MBD5: variants seen among roughly 807,000 people sequenced by gnomAD.
The protein encoded by MBD5 is methyl-CpG-binding domain protein 5.
In MBD5, 13 loss-of-function variants were observed where a neutral mutation model predicts 117.3. The observed-to-expected ratio is 0.11, with a 90% CI of 0.07 to 0.18. The LOEUF (loss-of-function observed/expected upper bound fraction) is 0.18, where lower values mean the gene tolerates loss of function less well. MBD5 is among the 10% of genes least tolerant of loss of function. MBD5 has a pLI of 1.00. For missense variants in MBD5, 1,879 were observed against 2,093.8 expected, an observed-to-expected ratio of 0.90 and a Z score of 2.00; for synonymous variants, 727 against 766.4, an observed-to-expected ratio of 0.95 and a Z score of 0.85.
At chr2:148,059,125 T>C (rs911714059) in intron 1 of MBD5, among the ~76,000 whole-genome samples, 3 of 152,188 alleles carry the variant, frequency 2.0e-5, no homozygotes, top group Non-Finnish European at 4.4e-5. Context: ...TGACAAGAAC[T>C]TTGTATAAAT....
intron 1 of MBD5, among the ~76,000 whole-genome samples, chr2:148,166,186 G>A (rs903875127): frequency 6.6e-6 from 1 of 152,116 alleles, no homozygotes; most frequent in African/African-American, 2.4e-5. Flanking sequence ...TGATTTGCGA[G>A]TTATTGCAAA....
chr2:148,440,520 G>A (rs1412606862), intron 4 of MBD5, among the ~76,000 whole-genome samples: 1 of 152,070 alleles, frequency 6.6e-6, no homozygotes, highest in African/African-American at 2.4e-5. Flanking sequence ...TTTACCACTG[G>A]GTGATTTTAA....
intron 3 of MBD5, among the ~76,000 whole-genome samples, chr2:148,258,557 A>G (rs534481488): frequency 6.6e-6 from 1 of 152,238 alleles, no homozygotes; most frequent in East Asian, 1.9e-4. Context: ...TTCCCTAATG[A>G]AACAGAAACA....
intron 1 of MBD5, among the ~76,000 whole-genome samples, chr2:148,133,768 A>G (rs1037253440): frequency 9.9e-5 from 15 of 152,202 alleles, no homozygotes; most frequent in Non-Finnish European, 1.5e-5. Context: ...GGTTGCAGTG[A>G]ACTGAGATTG....
chr2:148,118,214 C>T (rs1696684240), intron 1 of MBD5, among the ~76,000 whole-genome samples: 1 of 152,136 alleles, frequency 6.6e-6, no homozygotes, highest in Non-Finnish European at 1.5e-5. Context: ...ATGACAGAGT[C>T]TCATTCTACC....
At chr2:148,197,794 G>GTTTTTTTTT (rs56029734) in intron 2 of MBD5, among the ~76,000 whole-genome samples, 1 of 102,572 alleles carries the variant, frequency 9.7e-6, no homozygotes, top group Non-Finnish European at 1.9e-5. Flanking sequence ...AGCATCTGAG[G>GTTTTTTTTT]TTTTTTTTTT....
At chr2:148,267,465 A>G (rs1700884807) in intron 3 of MBD5, among the ~76,000 whole-genome samples, 1 of 152,176 alleles carries the variant, frequency 6.6e-6, no homozygotes, top group African/African-American at 2.4e-5. Context: ...TACAGAAAAT[A>G]ATGACATTGG....
rs1249179685 is a variant in MBD5, at chr2:148,021,463, T to C, written c.-1146T>C. 18 of 573,772 alleles carry C rather than the reference T, an allele frequency of 3.1e-5. No homozygotes were observed. The highest frequency in any genetic ancestry group is 1.5e-4 in the African/African-American group (8 of 52,818). 35.5% of individuals were successfully genotyped at this position (573,772 alleles called of 1,614,324 possible). ...CAACACAGACCCTTTGCTGCTGCTG[T>C]TGCTGCTGCTGCTGCTGTTGCTGCT... On this transcript the variant is annotated 5_prime_UTR_variant, in exon 1 of 14. Coordinates refer to ENST00000642680, the MANE Select transcript of MBD5 (RefSeq NM_001378120.1).
chr2:148,168,371 C>T (rs1399801354), intron 1 of MBD5, among the ~76,000 whole-genome samples: 1 of 152,058 alleles, frequency 6.6e-6, no homozygotes, highest in Non-Finnish European at 1.5e-5. Context: ...CTTTCTAGCA[C>T]TGAAAAATAA....
chr2:148,129,532 A>T (rs901195963), intron 1 of MBD5, among the ~76,000 whole-genome samples: 1 of 152,084 alleles, frequency 6.6e-6, no homozygotes, highest in Non-Finnish European at 1.5e-5. Context: ...AGTGACCCAG[A>T]TATACTCTAT....
At chr2:148,210,175 A>G (rs1269719246) in intron 2 of MBD5, among the ~76,000 whole-genome samples, 1 of 152,164 alleles carries the variant, frequency 6.6e-6, no homozygotes, top group Non-Finnish European at 1.5e-5. Context: ...AAGCCATAAA[A>G]CTACTTATTT....
At chr2:148,385,171 C>T (rs1029449728) in intron 4 of MBD5, among the ~76,000 whole-genome samples, 1 of 152,120 alleles carries the variant, frequency 6.6e-6, no homozygotes, top group Non-Finnish European at 1.5e-5. Flanking sequence ...TCAGAGTGAA[C>T]AGGCAACCTA....
chr2:148,282,170 G>A (rs572918829), intron 3 of MBD5, among the ~76,000 whole-genome samples: 1 of 152,210 alleles, frequency 6.6e-6, no homozygotes, highest in East Asian at 1.9e-4. Context: ...AGTCTCTAAA[G>A]TGTCTATTGC....
In MBD5 at chr2:148,470,208, A is replaced by T; in HGVS notation, c.2265A>T (p.Arg755Ser). Residue 755 changes from arginine to serine, a missense_variant, in exon 8 of 14, where the codon AGA becomes AGT. Physicochemically the swap from Arg to Ser is moderately radical, Grantham distance 110. Transcript: ENST00000642680. ...NSSVLQNIPLRGEAVHCHNAN... is the reference protein window; with the variant it reads ...NSSVLQNIPLSGEAVHCHNAN... ...GTGTTCTTCAGAACATACCTTTAAGAGGGGAAGCCGTGCACTGCCACAATG... is the reference window on the plus strand; with the variant it reads ...GTGTTCTTCAGAACATACCTTTAAGTGGGGAAGCCGTGCACTGCCACAATG... 6.2e-7 allele frequency: 1 copy of T among 1,613,984 alleles called. No individual in the cohort carries two copies. Among genetic ancestry groups the T allele is most frequent in the Non-Finnish European group, 8.5e-7 (1 of 1,179,904 alleles).
At chr2:148,236,233 A>G (rs1052605757) in intron 3 of MBD5, among the ~76,000 whole-genome samples, 1 of 152,182 alleles carries the variant, frequency 6.6e-6, no homozygotes, top group Non-Finnish European at 1.5e-5. Context: ...TGCCACATCA[A>G]TTGACTTGAC....
chr2:148,391,685 A>G (rs1704575879), intron 4 of MBD5, among the ~76,000 whole-genome samples: 1 of 152,186 alleles, frequency 6.6e-6, no homozygotes, highest in Non-Finnish European at 1.5e-5. Context: ...GGAAGCTTCC[A>G]GATGTTTTTA....
At chr2:148,450,298 G>C (rs1298080520) in intron 4 of MBD5, among the ~76,000 whole-genome samples, 1 of 152,226 alleles carries the variant, frequency 6.6e-6, no homozygotes, top group African/African-American at 2.4e-5. Context: ...TTCAAACCCA[G>C]TCAGCTTCTA....
At chr2:148,426,920 T>C (rs1313126837) in intron 4 of MBD5, among the ~76,000 whole-genome samples, 1 of 151,968 alleles carries the variant, frequency 6.6e-6, no homozygotes, top group Admixed American at 6.6e-5. Context: ...AGGGCTAATA[T>C]CCAGAATCTA....
At chr2:148,295,401 T>C (rs1701624499) in intron 3 of MBD5, among the ~76,000 whole-genome samples, 1 of 152,206 alleles carries the variant, frequency 6.6e-6, no homozygotes, top group Non-Finnish European at 1.5e-5. Context: ...TTCTCTTTTT[T>C]TAAAATCCAT....
Sources: allele counts gnomAD v4.1 joint callset (sites outside exome capture counted in the v4.1 genomes callset), GRCh38; gene constraint gnomAD v4.1.1; transcripts MANE v1.5; gene names NCBI Gene and HGNC (gene_info 2026-07-23, HGNC 2026-07-21).